SUSD1: variants seen among roughly 807,000 people sequenced by gnomAD.
SUSD1 encodes sushi domain containing 1.
A neutral mutation model predicts 86.9 loss-of-function variants in SUSD1; 65 were observed. That is an observed-to-expected ratio of 0.75 (90% CI 0.61 to 0.92). SUSD1 has a LOEUF of 0.92. SUSD1 is among the 40% of genes least tolerant of loss of function. SUSD1 has a pLI of 0.00. For missense variants in SUSD1, 850 were observed against 929.7 expected (o/e 0.91, Z 1.11); for synonymous variants, 346 against 350.0 (o/e 0.99, Z 0.13).
chr9:112,072,340 G>C (rs920378591), intron 12 of SUSD1, among the ~76,000 whole-genome samples: 5 of 151,390 alleles, frequency 3.3e-5, no homozygotes, highest in Non-Finnish European at 7.4e-5. Context: ...GTAGAGACTG[G>C]GTTTCACCAT....
rs1266905994 is a variant in SUSD1 at position 112,072,808 on chromosome 9, A to G, written c.1753+5730T>C. 3.3e-5 allele frequency among the ~76,000 whole-genome samples: 5 copies of G among 152,364 alleles called. No homozygotes were observed. The East Asian group carries it at 9.6e-4, about 29-fold the overall frequency. The stretch of plus-strand genomic sequence containing the variant: ...ACCTAATGTTAGGGCTCCAGATATC[A>G]AAAGAGCCTGTGTCCACGGAAGACT... On this transcript the variant is annotated intron_variant, in intron 12 of 16. Coordinates refer to ENST00000374270, the MANE Select transcript of SUSD1 (RefSeq NM_022486.5).
At chr9:112,063,698 G>GCGC (rs60286489) in intron 12 of SUSD1, among the ~76,000 whole-genome samples, 1 of 151,846 alleles carries the variant, frequency 6.6e-6, no homozygotes, top group Admixed American at 6.6e-5. Flanking sequence ...CAGCGTTCTT[G>GCGC]CTCACTGGTA....
At chr9:112,092,629 T>C (rs1245107639) in intron 10 of SUSD1, among the ~76,000 whole-genome samples, 4 of 152,232 alleles carry the variant, frequency 2.6e-5, no homozygotes, top group Non-Finnish European at 4.4e-5. Context: ...TTCTTTAGCC[T>C]AGACGTCTAA....
intron 2 of SUSD1, among the ~76,000 whole-genome samples, chr9:112,152,343 C>T (rs1456679139): frequency 6.6e-6 from 1 of 151,914 alleles, no homozygotes; most frequent in African/African-American, 2.4e-5. Flanking sequence ...ACACATTCTA[C>T]AGCTGTACGA....
intron 1 of SUSD1, among the ~76,000 whole-genome samples, chr9:112,160,716 T>C (rs904344786): frequency 1.3e-5 from 2 of 152,124 alleles, no homozygotes; most frequent in African/African-American, 4.8e-5. Flanking sequence ...TGCATGGTAA[T>C]TGCCTTAGCA....
chr9:112,064,046 T>TTTTTTTTTTTTTTTTTTTTTGG (rs1491139474), intron 12 of SUSD1, among the ~76,000 whole-genome samples: 6 of 78,648 alleles, frequency 7.6e-5, no homozygotes, highest in Non-Finnish European at 1.5e-4. Flanking sequence ...TTTCTTTTTT[T>TTTTTTTTTTTTTTTTTTTTTGG]GGGGGGGGGG....
At chr9:112,172,262 A>C (rs1202290611) in intron 1 of SUSD1, among the ~76,000 whole-genome samples, 4 of 151,196 alleles carry the variant, frequency 2.6e-5, no homozygotes, top group African/African-American at 9.7e-5. Flanking sequence ...GAGCCCTCAC[A>C]TCTAGCTCTC....
chr9:112,111,559 T>C, intron 8 of SUSD1, 95 bp downstream of exon 8: 1 of 1,475,986 alleles, frequency 6.8e-7, no homozygotes, highest in Non-Finnish European at 9.1e-7. Context: ...AGACAGCAAA[T>C]AGGAGCTCTC....
At chr9:112,089,211 A>G (rs1830103404) in intron 10 of SUSD1, among the ~76,000 whole-genome samples, 1 of 152,254 alleles carries the variant, frequency 6.6e-6, no homozygotes, top group South Asian at 2.1e-4. Flanking sequence ...TATAAAGGTA[A>G]CCACTAGAAA....
chr9:112,150,067 T>C (rs903805202), intron 2 of SUSD1, among the ~76,000 whole-genome samples: 3 of 152,220 alleles, frequency 2.0e-5, no homozygotes, highest in Non-Finnish European at 4.4e-5. Flanking sequence ...AATCTCCCTC[T>C]CATCTCTGCC....
chr9:112,157,840 T>G (rs373528849), intron 1 of SUSD1, among the ~76,000 whole-genome samples: 3 of 137,010 alleles, frequency 2.2e-5, no homozygotes, highest in Non-Finnish European at 4.7e-5. Flanking sequence ...TTTTTTTTTT[T>G]CAAGACATGG....
chr9:112,086,262 G>A, intron 10 of SUSD1, among the ~76,000 whole-genome samples: 1 of 148,988 alleles, frequency 6.7e-6, no homozygotes. Context: ...AAGCTGCAGT[G>A]AGATGTGTCC....
intron 10 of SUSD1, among the ~76,000 whole-genome samples, chr9:112,087,424 G>A (rs1005867297): frequency 6.6e-5 from 10 of 152,046 alleles, no homozygotes; most frequent in Admixed American, 3.9e-4. Flanking sequence ...CAAGTGATCC[G>A]CTCACCTCGG....
At chr9:112,103,104 C>A (rs557073630) in intron 8 of SUSD1, 28 of 450,822 alleles carry the variant, frequency 6.2e-5, no homozygotes, top group Non-Finnish European at 1.0e-4. Flanking sequence ...AAATGTCTAC[C>A]AGAGAGAAGC....
At chr9:112,172,432 C>T (rs930382787) in intron 1 of SUSD1, among the ~76,000 whole-genome samples, 1 of 152,168 alleles carries the variant, frequency 6.6e-6, no homozygotes, top group Non-Finnish European at 1.5e-5. Context: ...TCTTCCTTCT[C>T]GACTTGCATC....
chr9:112,051,425 T>G (rs1828197317), intron 15 of SUSD1, among the ~76,000 whole-genome samples: 1 of 135,212 alleles, frequency 7.4e-6, no homozygotes, highest in Admixed American at 7.1e-5. Flanking sequence ...TTTTTTTTTT[T>G]TTTTTTTTGT....
intron 12 of SUSD1, among the ~76,000 whole-genome samples, chr9:112,076,559 G>A (rs139497419): frequency 1.5e-4 from 23 of 152,328 alleles, no homozygotes; most frequent in African/African-American, 4.6e-4. Context: ...TTTGATTTGC[G>A]TATTAGATGT....
intron 14 of SUSD1, among the ~76,000 whole-genome samples, chr9:112,053,697 G>A (rs577446091): frequency 7.1e-4 from 108 of 152,282 alleles, no homozygotes; most frequent in South Asian, 4.8e-3. Flanking sequence ...AAATAGCAAG[G>A]CCATTTGGGG....
intron 10 of SUSD1, among the ~76,000 whole-genome samples, chr9:112,081,603 T>C (rs1381955074): frequency 1.3e-5 from 2 of 152,186 alleles, no homozygotes; most frequent in Non-Finnish European, 2.9e-5. Context: ...TTCTAGACTA[T>C]ACAAAAAGGT....
Sources: allele counts gnomAD v4.1 joint callset (sites outside exome capture counted in the v4.1 genomes callset), GRCh38; gene constraint gnomAD v4.1.1; transcripts MANE v1.5; gene names NCBI Gene and HGNC (gene_info 2026-07-23, HGNC 2026-07-21).